PPFIA4: variants seen among roughly 807,000 people sequenced by gnomAD.
PPFIA4 encodes PPFI scaffold protein A4.
A neutral mutation model predicts 145.7 loss-of-function variants in PPFIA4; 98 were observed. That is an observed-to-expected ratio of 0.67 (90% CI 0.57 to 0.80). The LOEUF is 0.80. Among genes scored for constraint, PPFIA4 ranks in the 30% least tolerant of loss-of-function variants. PPFIA4 has a pLI of 0.00. For synonymous variants in PPFIA4, 628 were observed against 649.6 expected (o/e 0.97, Z 0.51); for missense variants, 1,457 against 1,632.7 (o/e 0.89, Z 1.85).
At chr1:203,058,540 C>T (rs1558090578) in intron 19 of PPFIA4, among the ~76,000 whole-genome samples, 1 of 152,172 alleles carries the variant, frequency 6.6e-6, no homozygotes, top group Admixed American at 6.5e-5. Context: ...TGAGACAGCA[C>T]CTCAGATTGG....
Position 203,060,762 on chromosome 1 carries a change from T to A in PPFIA4, c.2785-208T>A, listed in dbSNP as rs1273044046. On this transcript the variant is annotated intron_variant, in intron 22 of 29. Transcript: ENST00000295706. This position sits in a 1 kb window ranked among gnomAD's most constrained non-coding sequence, Gnocchi z 4.8. ...AAGGGAAGAGGGCATTTGTGAATAT[T>A]GTCTTGGTCCTCTAACACAAGAATG... 6.6e-6 allele frequency among the ~76,000 whole-genome samples: 1 copy of A among 152,178 alleles called. No individual in the cohort carries two copies. Among genetic ancestry groups the A allele is most frequent in the Non-Finnish European group, 1.5e-5 (1 of 68,020 alleles).
intron 1 of PPFIA4, among the ~76,000 whole-genome samples, chr1:203,033,106 C>T (rs777985080): frequency 1.2e-4 from 18 of 152,142 alleles, no homozygotes; most frequent in Non-Finnish European, 2.1e-4. Flanking sequence ...TGTGCTTGGG[C>T]GGCATTTTAT....
At chr1:203,066,825 G>T (rs2102685217) in intron 25 of PPFIA4, among the ~76,000 whole-genome samples, 1 of 152,276 alleles carries the variant, frequency 6.6e-6, no homozygotes, top group South Asian at 2.1e-4. Flanking sequence ...CTCTGTGCTA[G>T]GGGTTTAGGA....
chr1:203,042,876 TG>T (rs1048081464), intron 2 of PPFIA4, among the ~76,000 whole-genome samples: 2 of 152,166 alleles, frequency 1.3e-5, no homozygotes, highest in Non-Finnish European at 2.9e-5. Flanking sequence ...TGACCTCAGG[TG>T]ATCTGCCCGG....
At chr1:203,031,848 G>A (rs1658853958) in intron 1 of PPFIA4, among the ~76,000 whole-genome samples, 1 of 152,144 alleles carries the variant, frequency 6.6e-6, no homozygotes, top group Admixed American at 6.5e-5. Context: ...GTTTTCTCTG[G>A]GAATGTACTT....
intron 20 of PPFIA4, 58 bp from the exon 21 acceptor site, chr1:203,059,712 C>T: frequency 6.8e-7 from 1 of 1,474,436 alleles, no homozygotes; most frequent in Admixed American, 1.8e-5. Context: ...GTCCCTGGAG[C>T]AAGAACAGTT....
chr1:203,073,469 G>T (rs1457932697), intron 28 of PPFIA4, among the ~76,000 whole-genome samples: 1 of 152,182 alleles, frequency 6.6e-6, no homozygotes, highest in South Asian at 2.1e-4. Flanking sequence ...GGGAAGCGTA[G>T]AGTAGAAGCC....
chr1:203,050,340 C>A (rs920338798), intron 13 of PPFIA4, among the ~76,000 whole-genome samples: 2 of 152,166 alleles, frequency 1.3e-5, no homozygotes, highest in Non-Finnish European at 2.9e-5. Context: ...GTTTAGGGAA[C>A]CTCGGGATTT....
Position 203,071,681 on chromosome 1 carries a change from A to G in PPFIA4, c.3325-11A>G, listed in dbSNP as rs775641158. 2.1e-5 allele frequency: 34 copies of G among 1,603,588 alleles called. No individual in the cohort carries two copies. Among genetic ancestry groups the G allele is most frequent in the Admixed American group, 8.4e-5 (5 of 59,694 alleles). ...TTCCCACCTTTCCCTCTCCTGCTCT[A>G]TGGACTGCAGGCACGCCAAGTGATG... is the stretch of plus-strand genomic sequence containing the variant. On this transcript the variant is annotated splice_polypyrimidine_tract_variant and intron_variant, in intron 27 of 29. Coordinates refer to ENST00000295706, the MANE Select transcript of PPFIA4 (RefSeq NM_001304331.2).
chr1:203,054,826 T>C (rs1294995070), intron 15 of PPFIA4, among the ~76,000 whole-genome samples: 3 of 152,194 alleles, frequency 2.0e-5, no homozygotes, highest in African/African-American at 7.2e-5. Flanking sequence ...AGAAAGGACA[T>C]TTTAACATTC....
chr1:203,056,191 TC>T, intron 17 of PPFIA4, 36 bp downstream of exon 17: 1 of 1,613,682 alleles, frequency 6.2e-7, no homozygotes, highest in Non-Finnish European at 8.5e-7. Flanking sequence ...ACTAACGGGT[TC>T]ACTGCTCCCA....
intron 25 of PPFIA4, among the ~76,000 whole-genome samples, chr1:203,066,573 C>T (rs543092658): frequency 6.6e-6 from 1 of 152,264 alleles, no homozygotes; most frequent in East Asian, 1.9e-4. Flanking sequence ...TTCGCTGCCC[C>T]TGGAGGCATT....
intron 1 of PPFIA4, among the ~76,000 whole-genome samples, chr1:203,038,305 G>A (rs546475767): frequency 3.3e-5 from 5 of 152,302 alleles, no homozygotes; most frequent in Admixed American, 1.3e-4. Context: ...CTCCCCTGCC[G>A]CTGACTGAAT....
chr1:203,039,332 T>G (rs1294912188), intron 2 of PPFIA4, 90 bp downstream of exon 2: 1 of 932,946 alleles, frequency 1.1e-6, no homozygotes, highest in African/African-American at 1.7e-5. Context: ...CTGCATCTAT[T>G]TGCATATCAA....
intron 13 of PPFIA4, 98 bp downstream of exon 13, chr1:203,049,865 G>A (rs1218261198): frequency 9.2e-7 from 1 of 1,087,646 alleles, no homozygotes; most frequent in Non-Finnish European, 1.3e-6. Context: ...AGGACCTCAG[G>A]GTCCTCCTCC....
In PPFIA4 at chr1:203,060,937, C is replaced by T. The variant is rs745814099; in HGVS notation, c.2785-33C>T. 6.2e-7 allele frequency: 1 copy of T among 1,610,850 alleles called. No homozygotes were observed. The highest frequency in any genetic ancestry group is 2.2e-5 in the East Asian group (1 of 44,874). The stretch of plus-strand genomic sequence containing the variant: ...TGATGGGGATCCTGGGGACCCACAC[C>T]CAGGACCAGCTAGGTTTCCTCTCTG... On this transcript the variant is annotated intron_variant, in intron 22 of 29. Transcript: ENST00000295706. This position sits in a 1 kb window ranked among gnomAD's most constrained non-coding sequence, Gnocchi z 4.8.
intron 4 of PPFIA4, 115 bp downstream of exon 4, chr1:203,044,210 C>T: frequency 7.8e-7 from 1 of 1,284,378 alleles, no homozygotes; most frequent in Non-Finnish European, 1.1e-6. Context: ...TCCCTCCAAA[C>T]ATTGTCTTAA....
In PPFIA4 at chr1:203,053,881, C is replaced by T. The variant is rs1317649077; in HGVS notation, c.1749C>T (p.Val583=). The T allele has an allele frequency of 1.3e-6, 2 of 1,561,848 alleles. No individual in the cohort carries two copies. Among genetic ancestry groups the T allele is most frequent in the Non-Finnish European group, 1.7e-6 (2 of 1,152,548 alleles). The change falls in exon 15 of 30, where the codon GTC becomes GTT. Residue 583 remains valine (V), a synonymous_variant. Coordinates refer to ENST00000295706, the MANE Select transcript of PPFIA4 (RefSeq NM_001304331.2). The part of the protein sequence containing the change: ...PGGLVGSADV[V]SPSGHSDAQT... ...GTCTGGTGGGCTCTGCGGATGTTGT[C>T]TCCCCCAGCGGCCACTCAGATGCCC... is the stretch of plus-strand genomic sequence containing the variant.
At chr1:203,056,639 A>G in intron 18 of PPFIA4, 131 bp downstream of exon 18, 2 of 1,358,290 alleles carry the variant, frequency 1.5e-6, no homozygotes, top group Non-Finnish European at 1.0e-6. Context: ...AAACACCATC[A>G]GGGAAGGGAG....
Sources: gnomAD v4.1 joint callset for allele counts (sites outside exome capture counted in the v4.1 genomes callset) on GRCh38, gnomAD v4.1.1 for gene constraint, Gnocchi (gnomAD v3.1) non-coding constraint, MANE v1.5 for transcripts, NCBI Gene and HGNC (gene_info 2026-07-23, HGNC 2026-07-21) for gene names.